Variants in PPFIBP2 observed in about 807,000 individuals in gnomAD.
The protein encoded by PPFIBP2 is liprin-beta-2.
A neutral mutation model predicts 118.3 loss-of-function variants in PPFIBP2; 118 were observed. That is an observed-to-expected ratio of 1.00 (90% CI 0.86 to 1.16). The LOEUF (loss-of-function observed/expected upper bound fraction) is 1.16. PPFIBP2 is among the 50% of genes most tolerant of loss of function. PPFIBP2 has a pLI of 0.00. For synonymous variants in PPFIBP2, 414 were observed against 397.4 expected, an observed-to-expected ratio of 1.04 and a Z score of -0.50; for missense variants, 1,195 against 1,073.1, an observed-to-expected ratio of 1.11 and a Z score of -1.59.
At chr11:7,606,650 G>C (rs981031369) in intron 5 of PPFIBP2, among the ~76,000 whole-genome samples, 1 of 152,162 alleles carries the variant, frequency 6.6e-6, no homozygotes, top group Admixed American at 6.5e-5. Context: ...TGTTAGTGTG[G>C]CTAATTCAAA....
At chr11:7,647,579 A>C (rs915181457) in intron 17 of PPFIBP2, among the ~76,000 whole-genome samples, 1 of 152,160 alleles carries the variant, frequency 6.6e-6, no homozygotes, top group African/African-American at 2.4e-5. Flanking sequence ...GGATTTTTAA[A>C]TTGTTTTAAC....
At chr11:7,595,448 C>T (rs1860106676) in intron 4 of PPFIBP2, among the ~76,000 whole-genome samples, 1 of 152,186 alleles carries the variant, frequency 6.6e-6, no homozygotes, top group Admixed American at 6.5e-5. Flanking sequence ...TTTAATTTTT[C>T]AAAGTCCTGT....
downstream of PPFIBP2, chr11:7,657,222 T>C (rs975595449): frequency 2.9e-5 from 5 of 172,494 alleles, no homozygotes; most frequent in Admixed American, 2.9e-4. Context: ...CTGTAGAGAC[T>C]GTGTTTTGTG....
intron 1 of PPFIBP2, among the ~76,000 whole-genome samples, chr11:7,527,242 G>T (rs76221183): frequency 0.031 from 4,766 of 152,130 alleles, 251 homozygotes; most frequent in African/African-American, 0.11. Context: ...TTTGGGTGGG[G>T]TGTGGTGTAT....
At chr11:7,561,586 T>G (rs1284164722) in intron 2 of PPFIBP2, among the ~76,000 whole-genome samples, 3 of 152,228 alleles carry the variant, frequency 2.0e-5, no homozygotes, top group African/African-American at 7.2e-5. Flanking sequence ...TTTATTTTTG[T>G]GTATGGTGTA....
rs190631983 is a variant in PPFIBP2 at position 7,620,802 on chromosome 11, G to C, written c.619-133G>C. ...ACAGCTTTCCTGAAACAAGGGACGT[G>C]TTTAAAGATTAAAGCTGTTATGTGG... is the stretch of plus-strand genomic sequence containing the variant. On this transcript the variant is annotated intron_variant, in intron 6 of 23. Transcript: ENST00000299492. 4.4e-3 allele frequency: 3,056 copies of C among 688,416 alleles called. 12 individuals are homozygous for C. The highest frequency in any genetic ancestry group is 5.5e-3 in the Non-Finnish European group (2,092 of 379,978). 42.6% of individuals were successfully genotyped at this position (688,416 alleles called of 1,614,324 possible). A position where few individuals can be genotyped will look rare whatever the true frequency, so the allele number is the denominator to read the frequency against.
chr11:7,595,560 TAA>T (rs1316857852), intron 4 of PPFIBP2, among the ~76,000 whole-genome samples: 1 of 152,192 alleles, frequency 6.6e-6, no homozygotes, highest in Non-Finnish European at 1.5e-5. Context: ...TGCTTGCCAG[TAA>T]AGTCAGAAGT....
intron 10 of PPFIBP2, 88 bp downstream of exon 10, chr11:7,629,622 T>A (rs1477355032): frequency 2.4e-5 from 31 of 1,303,946 alleles, no homozygotes; most frequent in Non-Finnish European, 3.4e-5. Context: ...AGCAGCTGTT[T>A]CACCTCTGTT....
chr11:7,618,660 A>G (rs1470057962), intron 6 of PPFIBP2, among the ~76,000 whole-genome samples: 1 of 152,154 alleles, frequency 6.6e-6, no homozygotes. Flanking sequence ...AGTGATGCAG[A>G]TCATGGATGC....
intron 5 of PPFIBP2, among the ~76,000 whole-genome samples, chr11:7,604,655 C>G (rs1285682959): frequency 6.6e-6 from 1 of 152,142 alleles, no homozygotes; most frequent in African/African-American, 2.4e-5. Flanking sequence ...ACGGTGTTAG[C>G]TTTGAGGGCA....
downstream of PPFIBP2, among the ~76,000 whole-genome samples, chr11:7,660,159 G>A (rs1475627863): frequency 7.9e-6 from 1 of 127,144 alleles, no homozygotes; most frequent in Non-Finnish European, 1.9e-5. Context: ...CTGCCTAATT[G>A]CCCTGGCCAG....
At chr11:7,647,087 A>G (rs1387093547) in intron 17 of PPFIBP2, among the ~76,000 whole-genome samples, 2 of 152,180 alleles carry the variant, frequency 1.3e-5, no homozygotes, top group Non-Finnish European at 2.9e-5. Flanking sequence ...CTAACATTTG[A>G]TCTAAAATGG....
intron 1 of PPFIBP2, among the ~76,000 whole-genome samples, chr11:7,543,862 A>G (rs79165841): frequency 0.07 from 10,668 of 152,272 alleles, 400 homozygotes; most frequent in South Asian, 0.15. Flanking sequence ...TTTAGAACAC[A>G]TACAGATCTT....
At position 7,648,435 on chromosome 11, in the gene PPFIBP2, A is replaced by G. The variant is rs1853450443; in HGVS notation, c.1695A>G (p.Ala565=). 22 of 1,614,082 alleles carry G rather than the reference A, an allele frequency of 1.4e-5. No individual in the cohort carries two copies. Among genetic ancestry groups the G allele is most frequent in the Non-Finnish European group, 1.9e-5 (22 of 1,180,020 alleles). The change falls in exon 18 of 24, where the codon GCA becomes GCG. Residue 565 remains alanine (A), a synonymous_variant. Coordinates refer to ENST00000299492, the MANE Select transcript of PPFIBP2 (RefSeq NM_003621.5). The part of the protein sequence containing the change: ...FAQWSTERVC[A]WLEDFGLAQY... ...AGTGGAGCACAGAGCGTGTGTGTGC[A>G]TGGCTGGAGGACTTTGGCCTGGCTC...
At chr11:7,593,301 C>A in intron 4 of PPFIBP2, 77 bp downstream of exon 4, 1 of 1,519,678 alleles carries the variant, frequency 6.6e-7, no homozygotes, top group Non-Finnish European at 8.8e-7. Context: ...AAGGGAAGCC[C>A]AAGAGATTTT....
At chr11:7,577,435 T>A (rs1362996797) in intron 3 of PPFIBP2, 3 of 401,080 alleles carry the variant, frequency 7.5e-6, no homozygotes, top group African/African-American at 6.2e-5. Context: ...AGGGAGAGGC[T>A]GAAGGACGCA....
intron 5 of PPFIBP2, 123 bp downstream of exon 5, chr11:7,597,796 C>T (rs1860638713): frequency 9.9e-6 from 8 of 811,396 alleles, no homozygotes; most frequent in East Asian, 2.7e-5. Context: ...GCGGGATTGG[C>T]TGCTCAGTTG....
intron 1 of PPFIBP2, among the ~76,000 whole-genome samples, chr11:7,521,811 G>C (rs1484650256): frequency 1.3e-5 from 2 of 152,094 alleles, no homozygotes; most frequent in East Asian, 1.9e-4. Flanking sequence ...TGGTTATTTC[G>C]TATGGTAGAC....
chr11:7,629,228 A>G (rs1350557873), intron 9 of PPFIBP2, among the ~76,000 whole-genome samples: 1 of 152,184 alleles, frequency 6.6e-6, no homozygotes, highest in Non-Finnish European at 1.5e-5. Flanking sequence ...AGCCCTGTGA[A>G]GGGTGTCTCA....
Sources: allele counts gnomAD v4.1 joint callset (sites outside exome capture counted in the v4.1 genomes callset), GRCh38; gene constraint gnomAD v4.1.1; transcripts MANE v1.5; gene names NCBI Gene and HGNC (gene_info 2026-07-23, HGNC 2026-07-21).